The following CEP170B variants were observed in gnomAD, a reference collection of about 807,000 sequenced individuals.
CEP170B encodes the protein centrosomal protein 170B.
Under a neutral mutation model 120.6 loss-of-function variants are expected in CEP170B, and 55 were observed. The ratio of observed to expected loss-of-function variants is 0.46; its 90% CI spans 0.37 to 0.57. CEP170B has a LOEUF of 0.57. Among genes scored for constraint, CEP170B ranks in the 20% least tolerant of loss-of-function variants. CEP170B has a pLI of 0.00. For synonymous variants in CEP170B, 1,033 were observed against 954.5 expected (o/e 1.08, Z -1.52); for missense variants, 2,212 against 2,253.3 (o/e 0.98, Z 0.37).
At chr14:104,894,225 C>T in intron 16 of CEP170B, 60 bp from the exon 17 acceptor site, 1 of 1,310,940 alleles carries the variant, frequency 7.6e-7, no homozygotes, top group Non-Finnish European at 1.1e-6. Context: ...GAGAATTGTG[C>T]CTCAGCTCTG....
rs529828573 is a variant in CEP170B, at chr14:104,879,010, C to T, written c.333+509C>T. The stretch of plus-strand genomic sequence containing the variant: ...CAGCCTCCCTGGGAGCAGAGGGCCC[C>T]GTTCAGAGGGCCAGGAGGGTATAGA... On this transcript the variant is annotated intron_variant, in intron 5 of 18. Coordinates refer to ENST00000414716, the MANE Select transcript of CEP170B (RefSeq NM_001112726.3). Among the ~76,000 whole-genome samples, 280 of 152,298 alleles carry T rather than the reference C, an allele frequency of 1.8e-3. 1 individual carries two copies. Among genetic ancestry groups the T allele is most frequent in the Non-Finnish European group, 3.2e-3 (221 of 68,014 alleles).
rs975332435 is a variant in CEP170B, at chr14:104,865,939, C to G, written c.-28+426C>G. Among the ~76,000 whole-genome samples the G allele has an allele frequency of 2.0e-5, 3 of 152,134 alleles. No homozygotes were observed. The highest frequency in any genetic ancestry group is 1.3e-4 in the Admixed American group (2 of 15,278). Reference sequence around the variant, plus strand: ...CTCTCTCCTCATTTCCCTTCGCCGCCGTCTCCCCGCTGTCCCTGCCTCTCC... The same window carrying G: ...CTCTCTCCTCATTTCCCTTCGCCGCGGTCTCCCCGCTGTCCCTGCCTCTCC... On this transcript the variant is annotated intron_variant, in intron 1 of 18. Transcript: ENST00000414716. This position sits in a 1 kb window ranked among gnomAD's most constrained non-coding sequence, Gnocchi z 6.7.
In CEP170B at chr14:104,868,354, G is replaced by C. The variant is rs895072247; in HGVS notation, c.-27-70G>C. On this transcript the variant is annotated intron_variant, in intron 1 of 18. Transcript: ENST00000414716. This position sits in a 1 kb window ranked among gnomAD's most constrained non-coding sequence, Gnocchi z 5.9. The stretch of plus-strand genomic sequence containing the variant: ...CTTAGAGGGTCAGGATCTGGGCTGG[G>C]CCTTGGATGTGTCCAGGGGGCTAAG... The C allele has an allele frequency of 9.1e-7, 1 of 1,101,104 alleles. No individual in the cohort carries two copies. Among genetic ancestry groups the C allele is most frequent in the Admixed American group, 2.2e-5 (1 of 45,678 alleles). The allele number at this position is 1,101,104 out of a possible 1,614,324, so 68.2% of individuals were successfully genotyped here. A position where few individuals can be genotyped will look rare whatever the true frequency, so the allele number is the denominator to read the frequency against.
Position 104,895,122 on chromosome 14 carries a change from C to T in CEP170B, c.*164C>T, listed in dbSNP as rs1595364705. 2.7e-6 allele frequency: 2 copies of T among 743,318 alleles called. No individual in the cohort carries two copies. Among genetic ancestry groups the T allele is most frequent in the East Asian group, 2.9e-5 (1 of 34,828 alleles). The allele number at this position is 743,318 out of a possible 1,614,324, so 46.0% of individuals were successfully genotyped here. ...CACGCCCTTGCCCCCTCGTCAGCTC[C>T]CAGCCAGCACCCTACTCACCCTGTC... On this transcript the variant is annotated 3_prime_UTR_variant, in exon 19 of 19. Transcript: ENST00000414716.
chr14:104,883,629 G>A, intron 8 of CEP170B, 121 bp downstream of exon 8: 1 of 1,192,740 alleles, frequency 8.4e-7, no homozygotes, highest in Non-Finnish European at 1.1e-6. Context: ...CCATTTTTCA[G>A]TTAATTGCCT....
chr14:104,871,969 C>T (rs892927759), intron 2 of CEP170B, among the ~76,000 whole-genome samples: 7 of 152,266 alleles, frequency 4.6e-5, no homozygotes, highest in African/African-American at 1.7e-4. Context: ...CTGCTCCCCA[C>T]AGTGTCCTTG....
At chr14:104,894,135 C>G in intron 16 of CEP170B, 150 bp from the exon 17 acceptor site, 1 of 684,854 alleles carries the variant, frequency 1.5e-6, no homozygotes, top group Middle Eastern at 2.4e-4. Flanking sequence ...GACTTTGGTG[C>G]CCTTCATGCA....
Position 104,893,088 on chromosome 14 carries a change from A to G in CEP170B, c.3991A>G (p.Ser1331Gly). ...GGAGCCTGCCCACAGCGCCTCCCTC[A>G]GCAACATGCCCAGCACCCCCGCCTC... Reference protein sequence around the residue: ...SSEPAHSASLSNMPSTPASTI... With the variant: ...SSEPAHSASLGNMPSTPASTI... Residue 1331 changes from serine to glycine, a missense_variant, in exon 14 of 19, where the codon AGC becomes GGC. Around this residue, in one of 2 missense-constraint regions of CEP170B, gnomAD observed 2,166 missense variants for 2,166.7 expected, o/e 1.00. Transcript: ENST00000414716. The G allele has an allele frequency of 6.2e-7, 1 of 1,608,116 alleles. No individual in the cohort carries two copies. Among genetic ancestry groups the G allele is most frequent in the Non-Finnish European group, 8.5e-7 (1 of 1,178,564 alleles).
chr14:104,870,478 C>G lies in CEP170B; in HGVS notation c.105+1923C>G, dbSNP rs57699989. 0.047 allele frequency among the ~76,000 whole-genome samples: 7,132 copies of G among 152,254 alleles called. 585 individuals carry two copies. Among genetic ancestry groups the G allele is most frequent in the African/African-American group, 0.16 (6,697 of 41,504 alleles). On this transcript the variant is annotated intron_variant, in intron 2 of 18. Transcript: ENST00000414716. The surrounding 1 kb of genome is among the most constrained non-coding windows in gnomAD (Gnocchi z 4.1). The stretch of plus-strand genomic sequence containing the variant: ...AGGGGTGGCATCAGTGATGGCCGCG[C>G]TGCTCTACCTAGGGTGGCTAGGAGG...
rs1897085514 is a variant in CEP170B at position 104,896,622 on chromosome 14, G to T, written c.*1664G>T. On this transcript the variant is annotated 3_prime_UTR_variant, in exon 19 of 19. Coordinates refer to ENST00000414716, the MANE Select transcript of CEP170B (RefSeq NM_001112726.3). ...CCTGGGAACTGGTCCTTGTTTGCCG[G>T]GCTTCTCGGAGGGTTCACTGTACAT... 1 of 456,024 alleles carries T rather than the reference G, an allele frequency of 2.2e-6. No homozygotes were observed. Among genetic ancestry groups the T allele is most frequent in the African/African-American group, 2.0e-5 (1 of 50,012 alleles). The allele number at this position is 456,024 out of a possible 1,614,324, so 28.2% of individuals were successfully genotyped here.
chr14:104,892,071 A>T, intron 13 of CEP170B, among the ~76,000 whole-genome samples: 1 of 151,994 alleles, frequency 6.6e-6, no homozygotes, highest in Middle Eastern at 3.4e-3. Context: ...GGTGACTGCC[A>T]GTGTGGGGGC....
rs1437623918 is a variant in CEP170B at position 104,894,735 on chromosome 14, G to A, written c.4442G>A (p.Ser1481Asn). 1.3e-6 allele frequency: 2 copies of A among 1,591,132 alleles called. No individual in the cohort carries two copies. The highest frequency in any genetic ancestry group is 2.7e-5 in the African/African-American group (2 of 74,460). ...GTTATCAATGCCATCGTGGACCCCA[G>A]TGGGAGCCTGGACCTGCTCACAGGA... ...LEVINAIVDP[S>N]GSLDLLTGNR... The change falls in exon 19 of 19, where the codon AGT becomes AAT. Residue 1481 changes from serine to asparagine, a missense_variant. By Grantham distance (46) the Ser-to-Asn change is conservative. This residue lies in a region of CEP170B where 2,166 missense variants were observed against 2,166.7 expected (regional missense o/e 1.00). Coordinates refer to ENST00000414716, the MANE Select transcript of CEP170B (RefSeq NM_001112726.3).
At chr14:104,872,499 T>C (rs1014252792) in intron 2 of CEP170B, among the ~76,000 whole-genome samples, 5 of 123,748 alleles carry the variant, frequency 4.0e-5, no homozygotes, top group Admixed American at 1.5e-4. Flanking sequence ...CGTGTGTGTG[T>C]GCGTGTGTAA....
intron 2 of CEP170B, among the ~76,000 whole-genome samples, chr14:104,874,436 G>T (rs767530761): frequency 6.6e-6 from 1 of 152,122 alleles, no homozygotes; most frequent in Non-Finnish European, 1.5e-5. Context: ...GGCACCAGGA[G>T]CCCCACCAGG....
rs779648551 is a variant in CEP170B, at chr14:104,887,057, G to A, written c.2818G>A (p.Gly940Ser). The A allele has an allele frequency of 9.9e-6, 16 of 1,611,512 alleles. No individual in the cohort carries two copies. In the South Asian group the frequency reaches 1.5e-4, roughly 15 times the overall value. The change falls in exon 12 of 19, where the codon GGC becomes AGC. Residue 940 changes from glycine (G) to serine (S), a missense_variant. Gly to Ser is a moderately conservative substitution (Grantham distance 56). Around this residue, in one of 2 missense-constraint regions of CEP170B, gnomAD observed 2,166 missense variants for 2,166.7 expected, o/e 1.00. Coordinates refer to ENST00000414716, the MANE Select transcript of CEP170B (RefSeq NM_001112726.3). The stretch of plus-strand genomic sequence containing the variant: ...TTCTGTGGATGCCGAGTGTGAGGGG[G>A]GCAGCACCCCGAGGCCGCCGGAGGA... ...SNSVDAECEG[G>S]STPRPPEDAL...
At chr14:104,881,662 G>A (rs1315447464) in intron 6 of CEP170B, among the ~76,000 whole-genome samples, 1 of 152,204 alleles carries the variant, frequency 6.6e-6, no homozygotes, top group Non-Finnish European at 1.5e-5. Context: ...TGGGCAGCCT[G>A]GCTCCTTGGC....
Position 104,870,612 on chromosome 14 carries a change from G to A in CEP170B, c.105+2057G>A, listed in dbSNP as rs1353549987. ...CCTGCCCCACCCCTGCACCAGGCCT[G>A]CTCTGCCTGCTTCTCCCTGGGGTAG... On this transcript the variant is annotated intron_variant, in intron 2 of 18. Transcript: ENST00000414716. The surrounding 1 kb of genome is among the most constrained non-coding windows in gnomAD (Gnocchi z 4.1). Among the ~76,000 whole-genome samples the A allele has an allele frequency of 6.6e-6, 1 of 152,134 alleles. No homozygotes were observed. The highest frequency in any genetic ancestry group is 2.4e-5 in the African/African-American group (1 of 41,434).
rs1327590735 is a variant in CEP170B at position 104,886,497 on chromosome 14, C to T, written c.2258C>T (p.Ser753Leu). ...GACAGCCTCAGCGATGCCAGTGGGT[C>T]GGACGGGGGCCGAGGCCCCGAGCCA... is the stretch of plus-strand genomic sequence containing the variant. ...DPDSLSDASG[S>L]DGGRGPEPGV... The change falls in exon 12 of 19, where the codon TCG becomes TTG. Residue 753 changes from serine (S) to leucine (L), a missense_variant. Ser to Leu is a moderately radical substitution (Grantham distance 145). This residue lies in a region of CEP170B where 2,166 missense variants were observed against 2,166.7 expected (regional missense o/e 1.00). Transcript: ENST00000414716. The T allele has an allele frequency of 9.9e-6, 15 of 1,511,476 alleles. No homozygotes were observed. Among genetic ancestry groups the T allele is most frequent in the South Asian group, 5.4e-5 (4 of 74,472 alleles). 93.6% of individuals were successfully genotyped at this position (1,511,476 alleles called of 1,614,324 possible).
chr14:104,896,648 T>C lies in CEP170B; in HGVS notation c.*1690T>C. ...GCTTCTCGGAGGGTTCACTGTACAT[T>C]CGTTCTCAGGTGGTCTTGTGGCTGT... On this transcript the variant is annotated 3_prime_UTR_variant, in exon 19 of 19. Coordinates refer to ENST00000414716, the MANE Select transcript of CEP170B (RefSeq NM_001112726.3). The C allele has an allele frequency of 4.4e-6, 2 of 456,280 alleles. No homozygotes were observed. Among genetic ancestry groups the C allele is most frequent in the African/African-American group, 2.0e-5 (1 of 50,190 alleles). 28.3% of individuals were successfully genotyped at this position (456,280 alleles called of 1,614,324 possible). A position where few individuals can be genotyped will look rare whatever the true frequency, so the allele number is the denominator to read the frequency against.
Sources: allele counts gnomAD v4.1 joint callset (sites outside exome capture counted in the v4.1 genomes callset), GRCh38; gene constraint gnomAD v4.1.1; regional missense constraint gnomAD v4.1.1; non-coding constraint Gnocchi (gnomAD v3.1); transcripts MANE v1.5; gene names NCBI Gene and HGNC (gene_info 2026-07-23, HGNC 2026-07-21).